RTN3: variants seen among roughly 807,000 people sequenced by gnomAD.
RTN3 encodes the protein reticulon 3.
Under a neutral mutation model 77.8 loss-of-function variants are expected in RTN3, and 49 were observed. The ratio of observed to expected loss-of-function variants is 0.63; its 90% CI spans 0.50 to 0.80. The LOEUF is 0.80. Ranked by LOEUF, RTN3 falls within the 30% of genes least tolerant of loss-of-function variation. RTN3 has a pLI of 0.00. For synonymous variants in RTN3, 464 were observed against 446.9 expected (o/e 1.04, Z -0.48); for missense variants, 1,236 against 1,211.9 (o/e 1.02, Z -0.29).
intron 1 of RTN3, among the ~76,000 whole-genome samples, chr11:63,692,534 A>C (rs1941716476): frequency 6.6e-6 from 1 of 151,966 alleles, no homozygotes; most frequent in Non-Finnish European, 1.5e-5. Flanking sequence ...TGAGGCAGAC[A>C]GATCACGAGG....
In RTN3 at chr11:63,719,874, T is replaced by A; in HGVS notation, c.1372T>A (p.Cys458Ser). The change falls in exon 3 of 9, where the codon TGT (cysteine) becomes AGT (serine). Residue 458 changes from cysteine (C) to serine (S), a missense_variant. By Grantham distance (112) the Cys-to-Ser change is moderately radical. Transcript: ENST00000377819. Reference protein sequence around the residue: ...AELPGSPPEKCDSLGSGVATV... With the variant: ...AELPGSPPEKSDSLGSGVATV... The stretch of plus-strand genomic sequence containing the variant: ...ATTACCTGGATCTCCACCTGAGAAA[T>A]GTGACTCTTTGGGTTCTGGAGTGGC... The A allele has an allele frequency of 6.2e-7, 1 of 1,614,140 alleles. No homozygotes were observed.
intron 3 of RTN3, chr11:63,747,165 C>T (rs966541336): frequency 1.3e-5 from 5 of 379,778 alleles, no homozygotes; most frequent in Admixed American, 1.2e-4. Flanking sequence ...GCGGGAATAC[C>T]ATAGAAGTGA....
rs1565310526 is a variant in RTN3 at position 63,704,919 on chromosome 11, A to C, written c.199+12A>C. On this transcript the variant is annotated intron_variant, in intron 2 of 8. Transcript: ENST00000377819. Reference sequence around the variant, plus strand: ...TTCGACCTCACAAGGCAAGTCTGTAATTTTTTTGTGTGCATTGGTAAAAGA... The same window carrying C: ...TTCGACCTCACAAGGCAAGTCTGTACTTTTTTTGTGTGCATTGGTAAAAGA... The C allele has an allele frequency of 6.2e-7, 1 of 1,602,692 alleles. No homozygotes were observed. Among genetic ancestry groups the C allele is most frequent in the South Asian group, 1.1e-5 (1 of 90,866 alleles).
At chr11:63,724,912 G>T (rs2012127922) in intron 3 of RTN3, among the ~76,000 whole-genome samples, 1 of 150,768 alleles carries the variant, frequency 6.6e-6, no homozygotes, top group African/African-American at 2.4e-5. Flanking sequence ...AGTATATTAT[G>T]GTATAACTGT....
At chr11:63,716,979 CAAAA>C (rs6144367) in intron 2 of RTN3, among the ~76,000 whole-genome samples, 1 of 120,278 alleles carries the variant, frequency 8.3e-6, no homozygotes. Flanking sequence ...AAAAAAAAAA[CAAAA>C]AAAAAAAAAA....
chr11:63,704,896 C>A lies in RTN3; in HGVS notation c.188C>A (p.Ser63Ter). ...TCCTCTCAGCCTGTATCTCTATTTT[C>A]GACCTCACAAGGCAAGTCTGTAATT... ...SSSSQPVSLF[S>*]TSQEGLSSLC... The change falls in exon 2 of 9, where the codon TCG (serine) becomes TAG (stop). Residue 63 changes from serine to a stop codon, truncating the protein, a stop_gained. Coordinates refer to ENST00000377819, the MANE Select transcript of RTN3 (RefSeq NM_001265589.2). LOFTEE classifies it high-confidence loss of function. The A allele has an allele frequency of 6.2e-7, 1 of 1,611,096 alleles. No individual in the cohort carries two copies. The highest frequency in any genetic ancestry group is 8.5e-7 in the Non-Finnish European group (1 of 1,177,652).
Position 63,720,768 on chromosome 11 carries a change from G to A in RTN3, c.2266G>A (p.Val756Ile). Residue 756 changes from valine (V) to isoleucine (I), a missense_variant, in exon 3 of 9, where the codon GTT becomes ATT. Physicochemically the swap from Val to Ile is conservative, Grantham distance 29. Around this residue, in one of 3 missense-constraint regions of RTN3, gnomAD observed 1,056 missense variants for 990.4 expected, o/e 1.07. Transcript: ENST00000377819. ...KALKELGERQ[V>I]EKSTSAQRDA... is the part of the protein sequence containing the mutation. ...TCTTAAAGAATTAGGTGAAAGACAG[G>A]TTGAGAAGTCAACTTCTGCACAGCG... 1.9e-6 allele frequency: 3 copies of A among 1,614,128 alleles called. No homozygotes were observed. Among genetic ancestry groups the A allele is most frequent in the East Asian group, 2.2e-5 (1 of 44,886 alleles).
intron 3 of RTN3, among the ~76,000 whole-genome samples, chr11:63,748,476 G>T (rs922474996): frequency 6.6e-6 from 1 of 150,760 alleles, no homozygotes; most frequent in South Asian, 2.1e-4. Flanking sequence ...AGCCTCCCGA[G>T]TAGCTGAGAT....
At chr11:63,682,535 G>T (rs1941115218) in intron 1 of RTN3, among the ~76,000 whole-genome samples, 1 of 151,898 alleles carries the variant, frequency 6.6e-6, no homozygotes, top group Non-Finnish European at 1.5e-5. Context: ...CACGCAATCA[G>T]TCGCTTATAT....
At chr11:63,715,003 G>T (rs2011312165) in intron 2 of RTN3, among the ~76,000 whole-genome samples, 4 of 152,204 alleles carry the variant, frequency 2.6e-5, no homozygotes, top group Admixed American at 2.6e-4. Context: ...TGACCAGTTT[G>T]TGTCCTGCTA....
intron 1 of RTN3, among the ~76,000 whole-genome samples, chr11:63,691,902 A>G (rs1941678710): frequency 6.6e-6 from 1 of 152,140 alleles, no homozygotes; most frequent in Non-Finnish European, 1.5e-5. Flanking sequence ...AAGTTGGATC[A>G]TGTCACTTAT....
intron 1 of RTN3, among the ~76,000 whole-genome samples, chr11:63,684,016 A>G (rs554385004): frequency 5.7e-5 from 7 of 122,108 alleles, no homozygotes; most frequent in African/African-American, 2.3e-4. Flanking sequence ...CAGTGGAGCC[A>G]TCTTGGCTCA....
chr11:63,753,214 T>C, intron 6 of RTN3, 76 bp downstream of exon 6: 1 of 1,382,534 alleles, frequency 7.2e-7, no homozygotes, highest in Non-Finnish European at 1.0e-6. Flanking sequence ...AAGCCCAGCA[T>C]GGCTCTACTC....
At position 63,759,868 on chromosome 11, in the gene RTN3, T is replaced by TA. The variant is rs201753132; in HGVS notation, c.*1681dup. 8.9e-3 allele frequency: 1,251 copies of TA among 139,892 alleles called. 7 individuals carry two copies. Among genetic ancestry groups the TA allele is most frequent in the African/African-American group, 0.013 (485 of 38,492 alleles). The allele number at this position is 139,892 out of a possible 1,614,324, so 8.7% of individuals were successfully genotyped here. A position where few individuals can be genotyped will look rare whatever the true frequency, so the allele number is the denominator to read the frequency against. ...AAATTTCAAATTGATGTGGTATTAA[T>TA]AAAAAAAAAAAAAACACAAACAATG... On this transcript the variant is annotated 3_prime_UTR_variant, in exon 9 of 9. Coordinates refer to ENST00000377819, the MANE Select transcript of RTN3 (RefSeq NM_001265589.2).
rs1400435986 is a variant in RTN3, at chr11:63,753,155, A to G, written c.2947+17A>G. The G allele has an allele frequency of 3.1e-6, 5 of 1,607,758 alleles. No homozygotes were observed. The highest frequency in any genetic ancestry group is 4.3e-6 in the Non-Finnish European group (5 of 1,174,220). ...TAATTCTTGGTAAGGTGGCAAGGAG[A>G]ATGTGCCCATGCTCTTTGAAGTAGT... On this transcript the variant is annotated intron_variant, in intron 6 of 8. Coordinates refer to ENST00000377819, the MANE Select transcript of RTN3 (RefSeq NM_001265589.2).
intron 3 of RTN3, among the ~76,000 whole-genome samples, chr11:63,744,518 C>T (rs1323321623): frequency 6.6e-6 from 1 of 151,968 alleles, no homozygotes; most frequent in Admixed American, 6.6e-5. Flanking sequence ...ATACTGTAGG[C>T]AGTGTGGTAC....
intron 3 of RTN3, among the ~76,000 whole-genome samples, chr11:63,732,306 C>T (rs956937896): frequency 2.0e-5 from 3 of 151,972 alleles, no homozygotes; most frequent in Non-Finnish European, 4.4e-5. Context: ...AGGCAGGCAT[C>T]TAGGGACTAC....
intron 1 of RTN3, among the ~76,000 whole-genome samples, chr11:63,697,469 C>CATT (rs71039664): frequency 4.4e-4 from 65 of 146,716 alleles, no homozygotes; most frequent in African/African-American, 8.3e-4. Flanking sequence ...ACACCCAGCT[C>CATT]ATTATTATTA....
At chr11:63,692,484 C>T (rs1374143343) in intron 1 of RTN3, among the ~76,000 whole-genome samples, 3 of 152,030 alleles carry the variant, frequency 2.0e-5, no homozygotes, top group East Asian at 1.9e-4. Context: ...CCTGGCCGGG[C>T]GCGGTGGCTC....
Sources: allele counts gnomAD v4.1 joint callset (sites outside exome capture counted in the v4.1 genomes callset), GRCh38; gene constraint gnomAD v4.1.1; regional missense constraint gnomAD v4.1.1; transcripts MANE v1.5; gene names NCBI Gene and HGNC (gene_info 2026-07-23, HGNC 2026-07-21).